Variants in SCN11A observed in about 807,000 individuals in gnomAD.
SCN11A encodes sodium channel protein type 11 subunit alpha.
In SCN11A, 122 loss-of-function variants were observed where a neutral mutation model predicts 162.2. The ratio of observed to expected loss-of-function variants is 0.75; its 90% confidence interval spans 0.65 to 0.87. SCN11A has a LOEUF of 0.87. Ranked by LOEUF, SCN11A falls within the 40% of genes least tolerant of loss-of-function variation. SCN11A has a pLI of 0.00. For synonymous variants in SCN11A, 758 were observed against 751.5 expected (o/e 1.01, Z -0.14); for missense variants, 2,015 against 2,181.6 (o/e 0.92, Z 1.52).
intron 2 of SCN11A, among the ~76,000 whole-genome samples, chr3:39,010,614 A>G (rs1165215605): frequency 6.6e-6 from 1 of 152,028 alleles, no homozygotes; most frequent in Non-Finnish European, 1.5e-5. Context: ...TCCTGACCTC[A>G]TGATCCACCC....
At chr3:38,926,069 C>T (rs771183013) in intron 8 of SCN11A, among the ~76,000 whole-genome samples, 4 of 152,170 alleles carry the variant, frequency 2.6e-5, no homozygotes, top group Non-Finnish European at 4.4e-5. Flanking sequence ...TAACATAATG[C>T]CTGGTACATA....
chr3:38,927,207 A>T (rs2066156974), intron 7 of SCN11A, among the ~76,000 whole-genome samples: 1 of 152,190 alleles, frequency 6.6e-6, no homozygotes, highest in Admixed American at 6.5e-5. Context: ...GTAACATGAG[A>T]CCCAAGCACT....
chr3:38,951,484 C>T (rs1297367375), intron 4 of SCN11A, among the ~76,000 whole-genome samples: 1 of 152,262 alleles, frequency 6.6e-6, no homozygotes, highest in Non-Finnish European at 1.5e-5. Flanking sequence ...AAGCACCGCC[C>T]TCTGCTCCAC....
Position 38,910,058 on chromosome 3 carries a change from T to C in SCN11A, c.1101+8A>G, listed in dbSNP as rs770027860. ...AGAGAGGAAAAAGAGAGACTATAAA[T>C]AGATAACCTGTTGATAAAGCTTCTC... On this transcript the variant is annotated splice_region_variant and intron_variant, in intron 12 of 29. Transcript: ENST00000302328. 3.1e-6 allele frequency: 5 copies of C among 1,613,202 alleles called. No individual in the cohort carries two copies. The highest frequency in any genetic ancestry group is 4.2e-6 in the Non-Finnish European group (5 of 1,179,596).
At chr3:39,012,096 C>A (rs1233868465) in intron 2 of SCN11A, among the ~76,000 whole-genome samples, 6 of 152,070 alleles carry the variant, frequency 3.9e-5, no homozygotes, top group Admixed American at 3.3e-4. Context: ...GAGGCCAAGG[C>A]GGGCAGATCA....
Position 38,880,031 on chromosome 3 carries a change from C to A in SCN11A, c.3312G>T (p.Glu1104Asp), listed in dbSNP as rs570427401. Residue 1104 changes from glutamate to aspartate, a missense_variant, in exon 23 of 30, where the codon GAG (glutamate) becomes GAT (aspartate). Coordinates refer to ENST00000302328, the MANE Select transcript of SCN11A (RefSeq NM_001349253.2). ...CGAAGGCTACCCATTTTAGTACCAT[C>A]TCCAGGATAAAAATATGTGTAAAAA... Reference protein sequence around the residue: ...DIIFTHIFILEMVLKWVAFGF... With the variant: ...DIIFTHIFILDMVLKWVAFGF... 1 of 1,611,766 alleles carries A rather than the reference C, an allele frequency of 6.2e-7. No homozygotes were observed. The highest frequency in any genetic ancestry group is 1.7e-5 in the Admixed American group (1 of 59,888).
chr3:38,961,224 A>G (rs948241767), intron 2 of SCN11A, among the ~76,000 whole-genome samples: 1 of 152,350 alleles, frequency 6.6e-6, no homozygotes, highest in East Asian at 1.9e-4. Flanking sequence ...TCTCAGCTGC[A>G]TGTTATTGGA....
At chr3:38,874,465 G>A (rs2126098633) in intron 23 of SCN11A, among the ~76,000 whole-genome samples, 1 of 152,218 alleles carries the variant, frequency 6.6e-6, no homozygotes, top group South Asian at 2.1e-4. Context: ...GGGCATGGTG[G>A]TGGGCGCCTG....
At chr3:38,867,667 G>A (rs2065063902) in intron 26 of SCN11A, among the ~76,000 whole-genome samples, 1 of 152,158 alleles carries the variant, frequency 6.6e-6, no homozygotes, top group South Asian at 2.1e-4. Flanking sequence ...GACCTGGGGT[G>A]ATGGAAAATC....
chr3:38,848,930 G>A (rs1377155739), intron 29 of SCN11A, among the ~76,000 whole-genome samples: 1 of 152,118 alleles, frequency 6.6e-6, no homozygotes, highest in Non-Finnish European at 1.5e-5. Context: ...AGCGTTGGAC[G>A]GCAGAAATAT....
chr3:38,858,544 G>A (rs2064909846), intron 28 of SCN11A, among the ~76,000 whole-genome samples: 1 of 151,992 alleles, frequency 6.6e-6, no homozygotes, highest in Non-Finnish European at 1.5e-5. Flanking sequence ...CCTAAGTAAT[G>A]AGGCAACACA....
chr3:38,850,877 A>T, intron 28 of SCN11A, 126 bp from the exon 29 acceptor site: 3 of 720,134 alleles, frequency 4.2e-6, no homozygotes, highest in Non-Finnish European at 6.4e-6. Flanking sequence ...AAAAATACAC[A>T]GACCCTTTTC....
At chr3:38,943,225 C>G (rs564391373) in intron 7 of SCN11A, among the ~76,000 whole-genome samples, 3 of 152,080 alleles carry the variant, frequency 2.0e-5, no homozygotes, top group African/African-American at 7.2e-5. Context: ...AATATAGTAT[C>G]ATACATAGCA....
At chr3:38,987,124 T>C (rs1575348148) in intron 2 of SCN11A, among the ~76,000 whole-genome samples, 1 of 152,220 alleles carries the variant, frequency 6.6e-6, no homozygotes, top group Middle Eastern at 3.4e-3. Flanking sequence ...AGACAGAAGC[T>C]GAGTATCTTT....
At chr3:38,861,141 A>G (rs2064956847) in intron 28 of SCN11A, among the ~76,000 whole-genome samples, 1 of 152,174 alleles carries the variant, frequency 6.6e-6, no homozygotes, top group African/African-American at 2.4e-5. Context: ...TTATTTTACA[A>G]CAGCTGCAGA....
chr3:38,902,917 A>T (rs1378166774), intron 16 of SCN11A, among the ~76,000 whole-genome samples: 1 of 152,216 alleles, frequency 6.6e-6, no homozygotes, highest in Non-Finnish European at 1.5e-5. Flanking sequence ...AACACTAAAT[A>T]AAAATACATA....
At chr3:39,041,651 A>T (rs1270722554) in intron 1 of SCN11A, among the ~76,000 whole-genome samples, 1 of 152,194 alleles carries the variant, frequency 6.6e-6, no homozygotes, top group Non-Finnish European at 1.5e-5. Flanking sequence ...CCCCAAACTA[A>T]AACTGAGGAA....
chr3:39,002,031 C>T (rs2030831261), intron 2 of SCN11A, among the ~76,000 whole-genome samples: 2 of 150,224 alleles, frequency 1.3e-5, no homozygotes, highest in African/African-American at 2.5e-5. Context: ...AGTGAGACTC[C>T]GTCTCAAAAA....
At chr3:39,009,697 G>A (rs969809398) in intron 2 of SCN11A, among the ~76,000 whole-genome samples, 7 of 149,660 alleles carry the variant, frequency 4.7e-5, no homozygotes, top group African/African-American at 1.7e-4. Flanking sequence ...CATTTTTTGA[G>A]ACAGGGTCTT....
Sources: gnomAD v4.1 joint callset for allele counts (sites outside exome capture counted in the v4.1 genomes callset) on GRCh38, gnomAD v4.1.1 for gene constraint, MANE v1.5 for transcripts, NCBI Gene and HGNC (gene_info 2026-07-23, HGNC 2026-07-21) for gene names.